HTT: variants seen among roughly 807,000 people sequenced by gnomAD.
HTT encodes huntington disease protein.
Under a neutral mutation model 362.3 loss-of-function variants are expected in HTT, and 104 were observed. That is an observed-to-expected ratio of 0.29 (90% CI 0.24 to 0.34). The LOEUF is 0.34. Among genes scored for constraint, HTT ranks in the 10% least tolerant of loss-of-function variants. The pLI is 1.00. For synonymous variants in HTT, 1,577 were observed against 1,548.7 expected, an observed-to-expected ratio of 1.02 and a Z score of -0.43; for missense variants, 3,301 against 3,928.6, an observed-to-expected ratio of 0.84 and a Z score of 4.27.
At chr4:3,135,435 A>G (rs1716015951) in intron 19 of HTT, among the ~76,000 whole-genome samples, 1 of 147,318 alleles carries the variant, frequency 6.8e-6, no homozygotes, top group Non-Finnish European at 1.5e-5. Flanking sequence ...TTCCTTTATA[A>G]TTTAGGGTTT....
chr4:3,178,068 G>A (rs773970726), intron 34 of HTT, among the ~76,000 whole-genome samples: 22 of 152,196 alleles, frequency 1.4e-4, no homozygotes, highest in Non-Finnish European at 1.9e-4. Flanking sequence ...CCCCTGTGCC[G>A]TCGGGTGCCT....
At chr4:3,200,415 TGG>T (rs1719473665) in intron 41 of HTT, among the ~76,000 whole-genome samples, 1 of 152,264 alleles carries the variant, frequency 6.6e-6, no homozygotes, top group Non-Finnish European at 1.5e-5. Context: ...GTTCTCGTTA[TGG>T]GTGGCCCTCT....
intron 40 of HTT, among the ~76,000 whole-genome samples, chr4:3,193,561 A>G (rs1038475480): frequency 6.6e-6 from 1 of 152,080 alleles, no homozygotes; most frequent in African/African-American, 2.4e-5. Context: ...TCACTGTCTT[A>G]TTGCGCTGAT....
At chr4:3,200,102 A>G (rs1253785236) in intron 41 of HTT, among the ~76,000 whole-genome samples, 163 bp downstream of exon 41, 1 of 152,214 alleles carries the variant, frequency 6.6e-6, no homozygotes, top group Non-Finnish European at 1.5e-5. Context: ...CATGGACAGC[A>G]TATTATTGGG....
chr4:3,133,026 G>C (rs1715896621), intron 18 of HTT, 115 bp downstream of exon 18: 1 of 786,918 alleles, frequency 1.3e-6, no homozygotes, highest in South Asian at 1.5e-5. Flanking sequence ...GCTGTAACCA[G>C]TAATACCCAC....
intron 44 of HTT, 108 bp downstream of exon 44, chr4:3,207,091 C>T (rs1398475747): frequency 1.6e-5 from 19 of 1,190,428 alleles, no homozygotes; most frequent in South Asian, 9.0e-5. Flanking sequence ...ACATGGTCAC[C>T]GATAGAAACA....
intron 19 of HTT, 62 bp downstream of exon 19, chr4:3,134,602 T>A: frequency 2.1e-6 from 3 of 1,424,064 alleles, no homozygotes; most frequent in Non-Finnish European, 2.9e-6. Context: ...CTGGGATCAC[T>A]TGATGCAAGG....
chr4:3,160,189 C>G (rs1020409625), intron 28 of HTT, 93 bp from the exon 29 acceptor site: 32 of 814,740 alleles, frequency 3.9e-5, no homozygotes, highest in Middle Eastern at 2.2e-4. Flanking sequence ...GTGGAGGCAT[C>G]TGCTGCAGCC....
At chr4:3,161,807 A>T (rs1361827444) in intron 29 of HTT, among the ~76,000 whole-genome samples, 1 of 152,038 alleles carries the variant, frequency 6.6e-6, no homozygotes, top group Non-Finnish European at 1.5e-5. Flanking sequence ...AGTTCTTTGT[A>T]GATTCTGGAT....
At chr4:3,215,341 C>T (rs1720348270) in intron 51 of HTT, 130 bp downstream of exon 51, 2 of 646,080 alleles carry the variant, frequency 3.1e-6, no homozygotes, top group Non-Finnish European at 5.4e-6. Context: ...TCCTGCTGCT[C>T]CTCCCTAGCT....
intron 24 of HTT, 91 bp from the exon 25 acceptor site, chr4:3,146,706 C>A: frequency 9.0e-7 from 1 of 1,112,444 alleles, no homozygotes; most frequent in Non-Finnish European, 1.4e-6. Context: ...TGTATTGTGA[C>A]ATGCCTTCCT....
Position 3,238,798 on chromosome 4 carries a change from C to G in HTT, c.9055-20C>G, listed in dbSNP as rs763547971. ...CGTCCCCCCAGCCCTGACACTCAGG[C>G]ACCTGCTTGCTCCTTGCAGGTGTTT... On this transcript the variant is annotated intron_variant, in intron 65 of 66. Coordinates refer to ENST00000355072, the MANE Select transcript of HTT (RefSeq NM_001388492.1). The G allele has an allele frequency of 4.5e-6, 7 of 1,569,350 alleles. No homozygotes were observed. Among genetic ancestry groups the G allele is most frequent in the Non-Finnish European group, 6.1e-6 (7 of 1,154,102 alleles).
intron 33 of HTT, among the ~76,000 whole-genome samples, chr4:3,176,808 A>G (rs1718264646): frequency 6.6e-6 from 1 of 152,240 alleles, no homozygotes; most frequent in Admixed American, 6.5e-5. Context: ...CATTCTGCCC[A>G]GAGGCTCTGA....
chr4:3,120,577 T>G (rs1715251550), intron 8 of HTT, among the ~76,000 whole-genome samples: 1 of 152,168 alleles, frequency 6.6e-6, no homozygotes, highest in Non-Finnish European at 1.5e-5. Context: ...CCGCCTCCTG[T>G]CAGATCAGTG....
chr4:3,207,004 G>A, intron 44 of HTT, 21 bp downstream of exon 44: 1 of 1,589,572 alleles, frequency 6.3e-7, no homozygotes, highest in Non-Finnish European at 8.6e-7. Flanking sequence ...GAGAAACCCT[G>A]ATATTGATTT....
At chr4:3,207,008 T>C (rs766650631) in intron 44 of HTT, 25 bp downstream of exon 44, 12 of 1,581,636 alleles carry the variant, frequency 7.6e-6, no homozygotes, top group Admixed American at 1.8e-5. Flanking sequence ...AACCCTGATA[T>C]TGATTTATAT....
intron 47 of HTT, 147 bp downstream of exon 47, chr4:3,210,096 A>T (rs1020860279): frequency 1.4e-5 from 14 of 981,694 alleles, no homozygotes; most frequent in Non-Finnish European, 2.0e-5. Flanking sequence ...GAGAGACTCC[A>T]CTCTGAATGG....
rs374128370 is a variant in HTT at position 3,240,031 on chromosome 4, G to A, written c.9401G>A (p.Arg3134Gln). 2.4e-5 allele frequency: 38 copies of A among 1,596,854 alleles called. No homozygotes were observed. The highest frequency in any genetic ancestry group is 3.1e-5 in the Non-Finnish European group (36 of 1,171,188). Residue 3134 changes from arginine to glutamine, a missense_variant, in exon 67 of 67, where the codon CGA becomes CAA. Coordinates refer to ENST00000355072, the MANE Select transcript of HTT (RefSeq NM_001388492.1). ...TATCACCGGCTGCTGACTTGTTTACGAAATGTCCACAAGGTCACCACCTGC... is the reference window on the plus strand; with the variant it reads ...TATCACCGGCTGCTGACTTGTTTACAAAATGTCCACAAGGTCACCACCTGC... ...SPYHRLLTCL[R>Q]NVHKVTTC
At chr4:3,143,937 A>G (rs1210823625) in intron 23 of HTT, among the ~76,000 whole-genome samples, 3 of 152,138 alleles carry the variant, frequency 2.0e-5, no homozygotes, top group African/African-American at 7.2e-5. Context: ...TGTTGCTGAC[A>G]TTAGAAAAGA....
Sources: gnomAD v4.1 joint callset for allele counts (sites outside exome capture counted in the v4.1 genomes callset) on GRCh38, gnomAD v4.1.1 for gene constraint, MANE v1.5 for transcripts, NCBI Gene and HGNC (gene_info 2026-07-23, HGNC 2026-07-21) for gene names.